HHLA2: variants seen among roughly 807,000 people sequenced by gnomAD.
The protein encoded by HHLA2 is HHLA2 member of B7 family.
HHLA2 carries 48 observed loss-of-function variants against 45.9 expected under a neutral mutation model. The observed-to-expected ratio is 1.05, with a 90% CI of 0.83 to 1.33. The LOEUF is 1.33. HHLA2 is among the 40% of genes most tolerant of loss of function. HHLA2 has a pLI of 0.00. For missense variants in HHLA2, 462 were observed against 494.3 expected (o/e 0.93, Z 0.62); for synonymous variants, 161 against 173.9 (o/e 0.93, Z 0.59).
At chr3:108,367,058 CA>C (rs2107497548) in intron 8 of HHLA2, among the ~76,000 whole-genome samples, 1 of 152,244 alleles carries the variant, frequency 6.6e-6, no homozygotes, top group African/African-American at 2.4e-5. Flanking sequence ...GATACCCAGG[CA>C]AATAGGAACT....
rs67374827 is a variant in HHLA2 at position 108,321,091 on chromosome 3, T to TAAAAAAAAAAAAAAAAAAAAAAAAAAA, written c.-104-7158_-104-7157insAAAAAAAAAAAAAAAAAAAAAAAAAAA. Among the ~76,000 whole-genome samples the TAAAAAAAAAAAAAAAAAAAAAAAAAAA allele has an allele frequency of 1.9e-4, 19 of 101,414 alleles. 2 individuals are homozygous for TAAAAAAAAAAAAAAAAAAAAAAAAAAA. The highest frequency in any genetic ancestry group is 3.2e-4 in the Admixed American group (3 of 9,468). 66.5% of individuals were successfully genotyped at this position (101,414 alleles called of 152,430 possible). A position where few individuals can be genotyped will look rare whatever the true frequency, so the allele number is the denominator to read the frequency against. The stretch of plus-strand genomic sequence containing the variant: ...TCACCAGAACATTTCTCCAGGTGTT[T>TAAAAAAAAAAAAAAAAAAAAAAAAAAA]AAAAAAAAAAAAAAAAAAAAAGACT... On this transcript the variant is annotated intron_variant, in intron 2 of 10. Coordinates refer to ENST00000619531, the Ensembl canonical transcript of HHLA2.
chr3:108,357,914 A>G lies in HHLA2; in HGVS notation c.756A>G (p.Pro252=), dbSNP rs1251115812. 21 of 1,613,772 alleles carry G rather than the reference A, an allele frequency of 1.3e-5. No homozygotes were observed. In the African/African-American group the frequency reaches 2.8e-4, roughly 22 times the overall value. Residue 252 remains proline, a synonymous_variant, in exon 7 of 11, where the codon CCA becomes CCG. Coordinates refer to ENST00000619531, the Ensembl canonical transcript of HHLA2. ...AACCTGTAAATGATTATTTTTCACC[A>G]AACCAAGACTTCAAAGTTACTTGGT... is the stretch of plus-strand genomic sequence containing the variant.
chr3:108,354,782 TG>T (rs1379713841), intron 5 of HHLA2, among the ~76,000 whole-genome samples: 1 of 152,186 alleles, frequency 6.6e-6, no homozygotes, highest in Non-Finnish European at 1.5e-5. Flanking sequence ...GAGTGCCGCA[TG>T]AACTCTACTT....
In HHLA2 at chr3:108,355,113, A is replaced by C. The variant is rs773699095; in HGVS notation, c.419-2A>C. ...TCATGCGCCCTTCTTTCTCCTATGTAGTTTTTCTCACACCCGTGATGAAGT... is the reference window on the plus strand; with the variant it reads ...TCATGCGCCCTTCTTTCTCCTATGTCGTTTTTCTCACACCCGTGATGAAGT... On this transcript the variant is annotated splice_acceptor_variant, in intron 5 of 10. Transcript: ENST00000619531. LOFTEE classifies it high-confidence loss of function. 6.2e-7 allele frequency: 1 copy of C among 1,609,686 alleles called. No individual in the cohort carries two copies. The highest frequency in any genetic ancestry group is 1.3e-5 in the African/African-American group (1 of 74,770).
At chr3:108,317,863 G>A (rs985646613) in intron 2 of HHLA2, among the ~76,000 whole-genome samples, 2 of 151,952 alleles carry the variant, frequency 1.3e-5, no homozygotes, top group Non-Finnish European at 2.9e-5. Context: ...GTGAGCCATC[G>A]CACCCAGCCT....
intron 3 of HHLA2, among the ~76,000 whole-genome samples, chr3:108,340,957 TTTCTTTTC>T (rs2081561796): frequency 7.1e-6 from 1 of 140,954 alleles, no homozygotes; most frequent in South Asian, 2.3e-4. Context: ...CCTTTCTTTC[TTTCTTTTC>T]TTTCTTTCAT....
At chr3:108,351,129 T>C (rs1307659716) in intron 3 of HHLA2, among the ~76,000 whole-genome samples, 2 of 152,258 alleles carry the variant, frequency 1.3e-5, no homozygotes, top group African/African-American at 2.4e-5. Flanking sequence ...TGCTTGAAAC[T>C]GTATTTTTGT....
intron 6 of HHLA2, among the ~76,000 whole-genome samples, chr3:108,357,171 C>T (rs186708886): frequency 9.3e-4 from 141 of 152,186 alleles, no homozygotes; most frequent in African/African-American, 3.3e-3. Context: ...CACTCTCCTG[C>T]AGGTAGACTG....
chr3:108,375,685 C>T (rs2107521779), intron 8 of HHLA2, 65 bp from the exon 8 acceptor site: 2 of 1,566,708 alleles, frequency 1.3e-6, no homozygotes, highest in African/African-American at 1.4e-5. Flanking sequence ...ACCAAGGTGA[C>T]CTTACAGGGA....
At chr3:108,313,549 C>G (rs754179746) in intron 2 of HHLA2, among the ~76,000 whole-genome samples, 26 of 152,140 alleles carry the variant, frequency 1.7e-4, no homozygotes, top group Non-Finnish European at 2.9e-4. Flanking sequence ...TCCTGTGGTG[C>G]TCTCAATCTC....
chr3:108,345,054 C>T (rs115066465), intron 3 of HHLA2, among the ~76,000 whole-genome samples: 2,229 of 152,256 alleles, frequency 0.015, 38 homozygotes, highest in African/African-American at 0.05. Flanking sequence ...GGAACCAACC[C>T]CTCCCAAGAT....
intron 7 of HHLA2, among the ~76,000 whole-genome samples, chr3:108,362,112 A>G (rs2081992386): frequency 6.6e-6 from 1 of 152,138 alleles, no homozygotes; most frequent in African/African-American, 2.4e-5. Context: ...AGACTAGGAG[A>G]TATTTATGCT....
intron 7 of HHLA2, among the ~76,000 whole-genome samples, chr3:108,360,026 G>T (rs907545105): frequency 2.6e-5 from 4 of 152,126 alleles, no homozygotes; most frequent in African/African-American, 7.2e-5. Context: ...AAATGTGGCT[G>T]TAGCTTCTTC....
intron 8 of HHLA2, among the ~76,000 whole-genome samples, chr3:108,365,672 G>T (rs1576175523): frequency 6.6e-6 from 1 of 152,122 alleles, no homozygotes; most frequent in Non-Finnish European, 1.5e-5. Flanking sequence ...GCAGTGGTTT[G>T]TAGTTCTCCT....
chr3:108,320,647 T>C (rs946005926), intron 2 of HHLA2, among the ~76,000 whole-genome samples: 2 of 152,138 alleles, frequency 1.3e-5, no homozygotes, highest in African/African-American at 4.8e-5. Context: ...AAATATTATA[T>C]AGATTTTTTA....
intron 9 of HHLA2, 150 bp from the exon 9 acceptor site, chr3:108,376,343 C>A (rs1393124533): frequency 1.5e-5 from 9 of 591,282 alleles, no homozygotes; most frequent in Non-Finnish European, 2.3e-5. Flanking sequence ...TGTTTTTACA[C>A]TGAATGCATT....
chr3:108,312,458 A>G (rs903562377), intron 2 of HHLA2, among the ~76,000 whole-genome samples: 1 of 152,212 alleles, frequency 6.6e-6, no homozygotes. Flanking sequence ...AGGCAGGTGC[A>G]CCCAAACTCC....
intron 3 of HHLA2, among the ~76,000 whole-genome samples, chr3:108,331,899 C>T (rs1017411110): frequency 2.0e-5 from 3 of 152,126 alleles, no homozygotes; most frequent in Non-Finnish European, 2.9e-5. Flanking sequence ...TTTTAAAACA[C>T]TCTCATGCTT....
rs1435212053 is a variant in HHLA2, at chr3:108,353,785, G to T, written c.418+5G>T. ...AAGTGGTGCTAAAGGTGGGAGGTAA[G>T]TGTGCATGTAAAGTTTCATGAAACA... On this transcript the variant is annotated splice_donor_5th_base_variant and intron_variant, in intron 5 of 10. Transcript: ENST00000619531. The T allele has an allele frequency of 6.3e-7, 1 of 1,592,940 alleles. No homozygotes were observed.
Sources: gnomAD v4.1 joint callset for allele counts (sites outside exome capture counted in the v4.1 genomes callset) on GRCh38, gnomAD v4.1.1 for gene constraint, MANE v1.5 for transcripts, NCBI Gene and HGNC (gene_info 2026-07-23, HGNC 2026-07-21) for gene names.